Variants in LANCL3 observed in about 807,000 individuals in gnomAD.
LANCL3 encodes the protein lanC-like protein 3.
LANCL3 carries 19 observed loss-of-function variants against 26.5 expected under a neutral mutation model. That is an observed-to-expected ratio of 0.72 (90% CI 0.50 to 1.05). The LOEUF (loss-of-function observed/expected upper bound fraction) is 1.05, where lower values mean the gene tolerates loss of function less well. LANCL3 is among the 50% of genes least tolerant of loss of function. The pLI, the probability that LANCL3 is intolerant of heterozygous loss-of-function variation, is 0.00. For synonymous variants in LANCL3, 160 were observed against 166.6 expected (o/e 0.96, Z 0.30); for missense variants, 318 against 362.7 (o/e 0.88, Z 1.00).
intron 1 of LANCL3, among the ~76,000 whole-genome samples, chrX:37,644,014 C>A (rs1556426371): frequency 8.9e-6 from 1 of 112,018 alleles, no homozygotes; most frequent in Non-Finnish European, 1.9e-5. Flanking sequence ...ATTCACACTA[C>A]TAGAAAGTGG....
Position 37,572,001 on chromosome X carries a change from C to T in LANCL3, c.131C>T (p.Pro44Leu), listed in dbSNP as rs1487020854. ...GAGCGCATCCTCCAGGAGCTTCCCC[C>T]ACTCGGGGGCGGCGCGGAGGCCCGA... ...TIERILQELPPLGGGAEARGA... is the reference protein window; with the variant it reads ...TIERILQELPLLGGGAEARGA... Residue 44 changes from proline (P) to leucine (L), a missense_variant, in exon 1 of 5, where the codon CCA becomes CTA. Transcript: ENST00000378619. 2.5e-6 allele frequency: 3 copies of T among 1,187,555 alleles called. No individual in the cohort carries two copies. Among genetic ancestry groups the T allele is most frequent in the South Asian group, 1.8e-5 (1 of 54,467 alleles).
At chrX:37,604,064 C>T (rs1393999139) in intron 1 of LANCL3, among the ~76,000 whole-genome samples, 3 of 112,803 alleles carry the variant, frequency 2.7e-5, no homozygotes, top group African/African-American at 9.7e-5. Flanking sequence ...CTGTTCCCCA[C>T]TTTGCCAAAG....
At chrX:37,588,784 A>G (rs1924184251) in intron 1 of LANCL3, among the ~76,000 whole-genome samples, 1 of 112,354 alleles carries the variant, frequency 8.9e-6, no homozygotes, top group Non-Finnish European at 1.9e-5. Flanking sequence ...CAGATGAGAG[A>G]CAAAGTCTTA....
chrX:37,577,437 A>G (rs1381177443), intron 1 of LANCL3, among the ~76,000 whole-genome samples: 3 of 112,686 alleles, frequency 2.7e-5, no homozygotes, highest in African/African-American at 9.7e-5. Flanking sequence ...ATGAGAGTCA[A>G]TGATATTTTG....
At chrX:37,615,880 G>A (rs5963786) in intron 1 of LANCL3, among the ~76,000 whole-genome samples, 31,697 of 110,970 alleles carry the variant, frequency 0.29, 6,081 homozygotes, top group African/African-American at 0.71. Flanking sequence ...TCTGAATAGC[G>A]ATCCCAGTAG....
intron 1 of LANCL3, among the ~76,000 whole-genome samples, chrX:37,650,439 C>A (rs1926108397): frequency 1.0e-5 from 1 of 99,031 alleles, no homozygotes. Context: ...GGTAGGAAAA[C>A]TGATGTGTTT....
chrX:37,609,691 TA>T (rs200978939), intron 1 of LANCL3, among the ~76,000 whole-genome samples: 9 of 108,515 alleles, frequency 8.3e-5, no homozygotes, highest in Admixed American at 2.0e-4. Flanking sequence ...GTGGATGGGA[TA>T]AAAAAAAACC....
At position 37,667,394 on chromosome X, in the gene LANCL3, GC is replaced by G; in HGVS notation, c.1010del (p.Pro337LeufsTer7). 1 of 1,203,031 alleles carries G rather than the reference GC, an allele frequency of 8.3e-7. No homozygotes were observed. The highest frequency in any genetic ancestry group is 1.1e-6 in the Non-Finnish European group (1 of 891,530). ...GGCAGAAAGGCCTGCTAAAGAAGGGGCCTGGGATTTGCCATGGAGTAGCCGG... is the reference window on the plus strand; with the variant it reads ...GGCAGAAAGGCCTGCTAAAGAAGGGGCTGGGATTTGCCATGGAGTAGCCGG... ...TWQKGLLKKGPGICHGVAGSA... is the reference protein window; with the variant it reads ...TWQKGLLKKGXGICHGVAGSA... On this transcript the variant is annotated frameshift_variant, in exon 4 of 5. Coordinates refer to ENST00000378619, the MANE Select transcript of LANCL3 (RefSeq NM_001170331.2). LOFTEE classifies it high-confidence loss of function.
intron 1 of LANCL3, among the ~76,000 whole-genome samples, chrX:37,619,944 A>G: frequency 8.9e-6 from 1 of 112,229 alleles, no homozygotes; most frequent in Non-Finnish European, 1.9e-5. Context: ...TCTTCAGAGC[A>G]TTTTTCTCCC....
At chrX:37,600,272 A>G (rs1384378781) in intron 1 of LANCL3, among the ~76,000 whole-genome samples, 1 of 112,054 alleles carries the variant, frequency 8.9e-6, no homozygotes. Context: ...TCATACTATG[A>G]CAAATTTATA....
At chrX:37,661,517 C>G (rs1426628144) in intron 3 of LANCL3, among the ~76,000 whole-genome samples, 1 of 110,276 alleles carries the variant, frequency 9.1e-6, no homozygotes, top group Non-Finnish European at 1.9e-5. Flanking sequence ...AAGTGGGGCC[C>G]ATTATTTTAC....
chrX:37,611,973 G>A (rs782135628), intron 1 of LANCL3, among the ~76,000 whole-genome samples: 8 of 108,847 alleles, frequency 7.3e-5, no homozygotes, highest in East Asian at 2.9e-4. Flanking sequence ...TTTCGCTCTC[G>A]TCTCCCAGTG....
At chrX:37,605,049 G>C (rs1039987573) in intron 1 of LANCL3, among the ~76,000 whole-genome samples, 12 of 111,682 alleles carry the variant, frequency 1.1e-4, no homozygotes, top group African/African-American at 3.6e-4. Flanking sequence ...AGGGGCAGAT[G>C]CTGAGGAGTA....
intron 1 of LANCL3, among the ~76,000 whole-genome samples, chrX:37,606,911 A>G (rs1556420603): frequency 8.9e-6 from 1 of 112,608 alleles, no homozygotes; most frequent in Non-Finnish European, 1.9e-5. Flanking sequence ...CTTAGATGCA[A>G]CATGTTCAGA....
At chrX:37,620,941 G>A (rs782059544) in intron 1 of LANCL3, among the ~76,000 whole-genome samples, 1 of 111,502 alleles carries the variant, frequency 9.0e-6, no homozygotes, top group South Asian at 3.8e-4. Context: ...TCGCATGCAT[G>A]CTCCTCTCCT....
At chrX:37,656,804 G>A (rs6651742) in intron 2 of LANCL3, among the ~76,000 whole-genome samples, 33,843 of 111,537 alleles carry the variant, frequency 0.3, 5,295 homozygotes, top group African/African-American at 0.63. Flanking sequence ...CAAATAATTA[G>A]GGAACCCAAA....
At chrX:37,579,319 C>T (rs1422116994) in intron 1 of LANCL3, among the ~76,000 whole-genome samples, 1 of 111,200 alleles carries the variant, frequency 9.0e-6, no homozygotes, top group Non-Finnish European at 1.9e-5. Context: ...ATACAGTAGT[C>T]CCACCGTATC....
In LANCL3 at chrX:37,666,269, A is replaced by C. The variant is rs1259042720; in HGVS notation, c.896-1013A>C. Among the ~76,000 whole-genome samples the C allele has an allele frequency of 3.6e-5, 4 of 112,356 alleles. 1 individual carries two copies. The highest frequency in any genetic ancestry group is 3.2e-5 in the African/African-American group (1 of 30,938). On this transcript the variant is annotated intron_variant, in intron 3 of 4. Transcript: ENST00000378619. ...TTATATAGGCCATTAGGAATGCTGAAATAAATTTGCTTAATAGATGCAAAA... is the reference window on the plus strand; with the variant it reads ...TTATATAGGCCATTAGGAATGCTGACATAAATTTGCTTAATAGATGCAAAA...
At chrX:37,636,205 A>G (rs1349103102) in intron 1 of LANCL3, among the ~76,000 whole-genome samples, 1 of 112,238 alleles carries the variant, frequency 8.9e-6, no homozygotes, top group African/African-American at 3.2e-5. Context: ...TCCTTTATCC[A>G]GTCTACCATT....
Sources: allele counts gnomAD v4.1 joint callset (sites outside exome capture counted in the v4.1 genomes callset), GRCh38; gene constraint gnomAD v4.1.1; transcripts MANE v1.5; gene names NCBI Gene and HGNC (gene_info 2026-07-23, HGNC 2026-07-21).